Variants in GLIS3 observed in about 807,000 individuals in gnomAD.
GLIS3 encodes zinc finger protein GLIS3.
A neutral mutation model predicts 78.6 loss-of-function variants in GLIS3; 53 were observed. The observed-to-expected ratio is 0.67, with a 90% CI of 0.54 to 0.85. GLIS3 has a LOEUF of 0.85. GLIS3 is among the 40% of genes least tolerant of loss of function. The pLI is 0.00. For synonymous variants in GLIS3, 684 were observed against 509.9 expected, an observed-to-expected ratio of 1.34 and a Z score of -4.60; for missense variants, 1,703 against 1,231.1, an observed-to-expected ratio of 1.38 and a Z score of -5.74.
At chr9:3,959,415 C>T (rs1158746961) in intron 4 of GLIS3, among the ~76,000 whole-genome samples, 1 of 152,174 alleles carries the variant, frequency 6.6e-6, no homozygotes, top group Non-Finnish European at 1.5e-5. Context: ...GTATAGCAGC[C>T]TGAGAGGACT....
chr9:3,848,207 A>G (rs1395041999), intron 9 of GLIS3, among the ~76,000 whole-genome samples: 2 of 152,216 alleles, frequency 1.3e-5, no homozygotes, highest in African/African-American at 2.4e-5. Flanking sequence ...CAGCCTTTAA[A>G]AACAACCTCT....
At chr9:4,411,323 T>G in the GLIS3 span, among the ~76,000 whole-genome samples, 1 of 152,198 alleles carries the variant, frequency 6.6e-6, no homozygotes, top group Non-Finnish European at 1.5e-5. Context: ...TACGCCTTTT[T>G]CATTAGTCCA....
At chr9:3,999,944 C>A (rs974514645) in intron 4 of GLIS3, among the ~76,000 whole-genome samples, 1 of 151,982 alleles carries the variant, frequency 6.6e-6, no homozygotes. Flanking sequence ...ATAAACAGAA[C>A]CATTAATATA....
chr9:3,980,396 C>T (rs925716935), intron 4 of GLIS3, among the ~76,000 whole-genome samples: 21 of 152,200 alleles, frequency 1.4e-4, no homozygotes, highest in Non-Finnish European at 2.4e-4. Context: ...TTGTCTGCTA[C>T]CTCCAGAGTC....
At chr9:4,046,367 T>G (rs1249685528) in intron 4 of GLIS3, among the ~76,000 whole-genome samples, 3 of 152,090 alleles carry the variant, frequency 2.0e-5, no homozygotes, top group African/African-American at 7.2e-5. Flanking sequence ...TGGTACAGTA[T>G]GGATCCAAAG....
At chr9:4,083,332 C>T (rs1221752471) in intron 4 of GLIS3, among the ~76,000 whole-genome samples, 2 of 152,150 alleles carry the variant, frequency 1.3e-5, no homozygotes, top group South Asian at 2.1e-4. Context: ...CAATACCCTA[C>T]TCTTTTCACT....
At chr9:4,229,703 A>G (rs12350164) in intron 2 of GLIS3, among the ~76,000 whole-genome samples, 2,154 of 152,356 alleles carry the variant, frequency 0.014, 46 homozygotes, top group African/African-American at 0.05. Context: ...TTCTTATTCA[A>G]AAGTAAAAGA....
chr9:4,228,891 C>A (rs1563792490), intron 2 of GLIS3, among the ~76,000 whole-genome samples: 1 of 152,106 alleles, frequency 6.6e-6, no homozygotes, highest in African/African-American at 2.4e-5. Context: ...CCAGAAGGGC[C>A]AGAGAAAGAG....
In GLIS3 at chr9:3,980,892, G is replaced by A. The variant is rs186196981; in HGVS notation, c.1711-43703C>T. Among the ~76,000 whole-genome samples the A allele has an allele frequency of 9.4e-4, 143 of 152,258 alleles. 1 individual carries two copies. The highest frequency in any genetic ancestry group is 3.4e-3 in the African/African-American group (140 of 41,548). ...GCAAGTCAGATAATTAAATGCCAAA[G>A]TAGTGACACTTGGCATTTCAATGAG... On this transcript the variant is annotated intron_variant, in intron 4 of 10. Coordinates refer to ENST00000381971, the MANE Select transcript of GLIS3 (RefSeq NM_001042413.2).
chr9:4,253,430 G>C (rs1563836904), intron 2 of GLIS3, among the ~76,000 whole-genome samples: 1 of 152,212 alleles, frequency 6.6e-6, no homozygotes. Flanking sequence ...ACCTACTCAA[G>C]CTTCAGTAAT....
rs150194169 is a variant in GLIS3 at position 4,233,741 on chromosome 9, C to T, written c.388+52297G>A. Among the ~76,000 whole-genome samples, 7 of 152,356 alleles carry T rather than the reference C, an allele frequency of 4.6e-5. No individual in the cohort carries two copies. The East Asian group carries it at 1.3e-3, about 29-fold the overall frequency. ...TGTCCTTTGAAGCTTTGAAGCCAGG[C>T]ATTGACTTCTCCTCTGTAGCTATGA... is the stretch of plus-strand genomic sequence containing the variant. On this transcript the variant is annotated intron_variant, in intron 2 of 10. Coordinates refer to ENST00000381971, the MANE Select transcript of GLIS3 (RefSeq NM_001042413.2).
At chr9:3,870,431 G>T (rs948422178) in intron 8 of GLIS3, among the ~76,000 whole-genome samples, 1 of 152,150 alleles carries the variant, frequency 6.6e-6, no homozygotes, top group Non-Finnish European at 1.5e-5. Context: ...CCCTATATTA[G>T]TCTGTTTTCA....
intron 2 of GLIS3, among the ~76,000 whole-genome samples, chr9:4,131,062 TA>T (rs376680051): frequency 2.3e-4 from 35 of 152,140 alleles, no homozygotes; most frequent in African/African-American, 6.0e-4. Flanking sequence ...ATGACTGCCC[TA>T]GGGGGGGTTG....
intron 9 of GLIS3, among the ~76,000 whole-genome samples, chr9:3,855,281 C>T (rs1472564592): frequency 6.6e-6 from 1 of 152,218 alleles, no homozygotes; most frequent in Non-Finnish European, 1.5e-5. Context: ...TTTAGACAAT[C>T]ATTACCATTT....
At chr9:3,893,194 C>G (rs1372572602) in intron 7 of GLIS3, among the ~76,000 whole-genome samples, 1 of 152,276 alleles carries the variant, frequency 6.6e-6, no homozygotes, top group Non-Finnish European at 1.5e-5. Context: ...CTACTTGCCT[C>G]TCCTCCTCAA....
chr9:4,262,095 T>C (rs1000316752), intron 2 of GLIS3, among the ~76,000 whole-genome samples: 1 of 152,018 alleles, frequency 6.6e-6, no homozygotes, highest in Non-Finnish European at 1.5e-5. Flanking sequence ...CCAAACAGTC[T>C]CCTTAACCAT....
intron 2 of GLIS3, among the ~76,000 whole-genome samples, chr9:4,257,055 TTATGTGTACATATG>T (rs1196368149): frequency 1.8e-4 from 27 of 152,110 alleles, no homozygotes; most frequent in Non-Finnish European, 1.0e-4. Context: ...GTATTATGTA[TTATGTGTACATATG>T]TATGTGTACA....
At chr9:4,265,040 C>G (rs1044734484) in intron 2 of GLIS3, among the ~76,000 whole-genome samples, 1 of 151,384 alleles carries the variant, frequency 6.6e-6, no homozygotes, top group Non-Finnish European at 1.5e-5. Flanking sequence ...GGTGTGGTGG[C>G]GGGCGCCTGT....
chr9:4,228,738 A>G (rs1039695020), intron 2 of GLIS3, among the ~76,000 whole-genome samples: 9 of 152,220 alleles, frequency 5.9e-5, no homozygotes, highest in African/African-American at 2.2e-4. Context: ...AAAATGATCA[A>G]AATGATGATG....
Sources: allele counts gnomAD v4.1 joint callset (sites outside exome capture counted in the v4.1 genomes callset), GRCh38; gene constraint gnomAD v4.1.1; transcripts MANE v1.5; gene names NCBI Gene and HGNC (gene_info 2026-07-23, HGNC 2026-07-21).